The following CSMD1 variants were observed in gnomAD, a reference collection of about 807,000 sequenced individuals.
The protein encoded by CSMD1 is CUB and sushi domain-containing protein 1.
Under a neutral mutation model 417.5 loss-of-function variants are expected in CSMD1, and 213 were observed. The observed-to-expected ratio is 0.51, with a 90% CI of 0.46 to 0.57. The LOEUF is 0.57. CSMD1 is among the 20% of genes least tolerant of loss of function. CSMD1 has a pLI of 0.00. For missense variants in CSMD1, 6,923 were observed against 4,529.7 expected (o/e 1.53, Z -15.17); for synonymous variants, 2,862 against 1,736.8 (o/e 1.65, Z -16.11).
In CSMD1 at chr8:3,214,659, T is replaced by C; in HGVS notation, c.4705A>G (p.Asn1569Asp). ...CCAACTCTTGTCCCATTCATTATAT[T>C]TCCTGGGTCAAAACAAGCTTCCCGT... is the stretch of plus-strand genomic sequence containing the variant. ...KPREACFDPG[N>D]IMNGTRVGTD... The change falls in exon 30 of 70, where the codon AAT (asparagine) becomes GAT (aspartate). Residue 1569 changes from asparagine to aspartate, a missense_variant. By Grantham distance (23) the Asn-to-Asp change is conservative. Transcript: ENST00000635120. The C allele has an allele frequency of 6.4e-7, 1 of 1,551,858 alleles. No individual in the cohort carries two copies. Among genetic ancestry groups the C allele is most frequent in the Non-Finnish European group, 8.7e-7 (1 of 1,147,074 alleles).
intron 5 of CSMD1, among the ~76,000 whole-genome samples, chr8:3,799,185 A>G (rs1800324326): frequency 6.6e-6 from 1 of 152,130 alleles, no homozygotes; most frequent in Non-Finnish European, 1.5e-5. Context: ...CTATCATAAG[A>G]AAAAGAGGAA....
intron 1 of CSMD1, among the ~76,000 whole-genome samples, chr8:4,749,561 G>C (rs915502150): frequency 1.3e-5 from 2 of 152,152 alleles, no homozygotes; most frequent in African/African-American, 4.8e-5. Context: ...AACCATGCTT[G>C]TTTATTCAGG....
At chr8:3,077,075 A>G (rs1727786783) in intron 49 of CSMD1, among the ~76,000 whole-genome samples, 1 of 152,146 alleles carries the variant, frequency 6.6e-6, no homozygotes, top group Admixed American at 6.5e-5. Flanking sequence ...TATGTGTGTT[A>G]AACCCATGCT....
At chr8:3,032,748 TCTC>T (rs2128978565) in intron 50 of CSMD1, among the ~76,000 whole-genome samples, 1 of 152,126 alleles carries the variant, frequency 6.6e-6, no homozygotes, top group East Asian at 1.9e-4. Flanking sequence ...CCCTATGTTT[TCTC>T]CTCTTCTGTG....
chr8:4,191,632 C>A (rs1183867313), intron 3 of CSMD1, among the ~76,000 whole-genome samples: 1 of 149,972 alleles, frequency 6.7e-6, no homozygotes, highest in Non-Finnish European at 1.5e-5. Context: ...CTACAAGATA[C>A]ATTGAAAGAA....
intron 3 of CSMD1, among the ~76,000 whole-genome samples, chr8:4,286,248 G>A (rs537149769): frequency 3.3e-5 from 5 of 151,976 alleles, no homozygotes; most frequent in African/African-American, 4.8e-5. Flanking sequence ...GCGTCTCTCC[G>A]CCATGCTCTC....
intron 26 of CSMD1, among the ~76,000 whole-genome samples, chr8:3,267,112 G>A (rs1801490348): frequency 6.6e-6 from 1 of 152,120 alleles, no homozygotes; most frequent in Admixed American, 6.5e-5. Flanking sequence ...AGGAGAGAAA[G>A]AGGCTTCCAC....
rs369959857 is a variant in CSMD1 at position 4,406,189 on chromosome 8, C to T, written c.415+13764G>A. The stretch of plus-strand genomic sequence containing the variant: ...TTAGATATGCTGAGTAGGATTTTTC[C>T]ACTGGCACCGCATTCTACTGTAATG... On this transcript the variant is annotated intron_variant, in intron 3 of 69. Coordinates refer to ENST00000635120, the MANE Select transcript of CSMD1 (RefSeq NM_033225.6). 1.1e-4 allele frequency among the ~76,000 whole-genome samples: 16 copies of T among 152,276 alleles called. No individual in the cohort carries two copies. In the East Asian group the frequency reaches 2.5e-3, roughly 24 times the overall value.
chr8:4,632,136 G>C (rs1049452540), intron 2 of CSMD1, among the ~76,000 whole-genome samples: 5 of 152,204 alleles, frequency 3.3e-5, no homozygotes, highest in Non-Finnish European at 5.9e-5. Context: ...ATTTAGGAGA[G>C]AGTTACATTA....
intron 1 of CSMD1, among the ~76,000 whole-genome samples, chr8:4,870,354 G>C (rs1469218911): frequency 2.0e-5 from 3 of 152,078 alleles, no homozygotes. Flanking sequence ...TTTATGCACT[G>C]CTATTTATTT....
At chr8:3,118,742 C>G (rs958300224) in intron 41 of CSMD1, among the ~76,000 whole-genome samples, 155 bp from the exon 42 acceptor site, 1 of 152,012 alleles carries the variant, frequency 6.6e-6, no homozygotes, top group Non-Finnish European at 1.5e-5. Flanking sequence ...CCATCCAGAC[C>G]AATATAATTA....
At chr8:3,284,385 C>A (rs761398503) in intron 25 of CSMD1, 39 bp from the exon 26 acceptor site, 27 of 1,490,416 alleles carry the variant, frequency 1.8e-5, no homozygotes, top group Admixed American at 1.7e-5. Context: ...TGCCGTGCAT[C>A]GAGCATGTCC....
intron 1 of CSMD1, among the ~76,000 whole-genome samples, chr8:4,884,349 TC>T (rs1383816347): frequency 6.6e-6 from 1 of 152,042 alleles, no homozygotes; most frequent in African/African-American, 2.4e-5. Context: ...CCTGATGATT[TC>T]CTTTGAGGTA....
At chr8:4,958,798 G>A (rs963948003) in intron 1 of CSMD1, among the ~76,000 whole-genome samples, 4 of 152,112 alleles carry the variant, frequency 2.6e-5, no homozygotes, top group African/African-American at 7.2e-5. Flanking sequence ...GGGCTTTCAT[G>A]AAGAAAATAT....
intron 12 of CSMD1, among the ~76,000 whole-genome samples, chr8:3,411,631 T>C (rs1263002786): frequency 6.7e-6 from 1 of 149,952 alleles, no homozygotes; most frequent in African/African-American, 2.5e-5. Flanking sequence ...ATTCATTCCT[T>C]ATTATCGTTC....
intron 3 of CSMD1, among the ~76,000 whole-genome samples, chr8:4,404,048 C>A (rs1466969032): frequency 2.0e-5 from 3 of 152,168 alleles, no homozygotes; most frequent in African/African-American, 7.2e-5. Context: ...CCAGACTTAT[C>A]CAAAAACACT....
intron 3 of CSMD1, among the ~76,000 whole-genome samples, chr8:4,137,445 C>T (rs906667631): frequency 2.3e-5 from 2 of 86,458 alleles, no homozygotes; most frequent in African/African-American, 5.7e-5. Flanking sequence ...AATATATTGT[C>T]AAAATAGAGA....
intron 3 of CSMD1, among the ~76,000 whole-genome samples, chr8:4,354,062 A>G (rs886606701): frequency 6.6e-6 from 1 of 152,194 alleles, no homozygotes; most frequent in Non-Finnish European, 1.5e-5. Context: ...GCTATATATC[A>G]TTTCAGAAAT....
intron 3 of CSMD1, among the ~76,000 whole-genome samples, chr8:4,184,532 TA>T (rs1453190400): frequency 6.6e-6 from 1 of 151,900 alleles, no homozygotes; most frequent in African/African-American, 2.4e-5. Flanking sequence ...TATGCAGCCA[TA>T]AAAAAGGACA....
Sources: allele counts gnomAD v4.1 joint callset (sites outside exome capture counted in the v4.1 genomes callset), GRCh38; gene constraint gnomAD v4.1.1; transcripts MANE v1.5; gene names NCBI Gene and HGNC (gene_info 2026-07-23, HGNC 2026-07-21).